OPN5: variants seen among roughly 807,000 people sequenced by gnomAD.
OPN5 encodes opsin-5.
Under a neutral mutation model 41.7 loss-of-function variants are expected in OPN5, and 18 were observed. The ratio of observed to expected loss-of-function variants is 0.43; its 90% CI spans 0.30 to 0.64. The LOEUF is 0.64. Among genes scored for constraint, OPN5 ranks in the 30% least tolerant of loss-of-function variants. OPN5 has a pLI of 0.13. For missense variants in OPN5, 318 were observed against 434.5 expected, an observed-to-expected ratio of 0.73 and a Z score of 2.38; for synonymous variants, 178 against 164.3, an observed-to-expected ratio of 1.08 and a Z score of -0.64.
chr6:47,801,874 A>G (rs1341554107), intron 4 of OPN5, among the ~76,000 whole-genome samples: 1 of 151,524 alleles, frequency 6.6e-6, no homozygotes, highest in South Asian at 2.1e-4. Context: ...GTAAGTGCTT[A>G]ATATATATTT....
chr6:47,825,687 T>A (rs1429187015), downstream of OPN5: 2 of 152,190 alleles, frequency 1.3e-5, no homozygotes, highest in Non-Finnish European at 2.9e-5. Context: ...TAGTAGCACA[T>A]CTGGCAGGAA....
At chr6:47,782,798 T>C (rs2113944082) in intron 1 of OPN5, among the ~76,000 whole-genome samples, 1 of 152,272 alleles carries the variant, frequency 6.6e-6, no homozygotes, top group Middle Eastern at 3.4e-3. Context: ...TGTGCATAAT[T>C]GACGAAAGGG....
At chr6:47,796,690 A>G (rs1375057468) in intron 4 of OPN5, among the ~76,000 whole-genome samples, 1 of 152,178 alleles carries the variant, frequency 6.6e-6, no homozygotes. Context: ...GGACCCAGAG[A>G]AACACAGTTT....
chr6:47,819,379 AATATATAT>A (rs544310153), intron 6 of OPN5, among the ~76,000 whole-genome samples: 1 of 97,424 alleles, frequency 1.0e-5, no homozygotes, highest in African/African-American at 3.5e-5. Context: ...TATAAGTAGA[AATATATAT>A]ATATATATAT....
intron 4 of OPN5, among the ~76,000 whole-genome samples, chr6:47,798,936 A>C (rs1256091613): frequency 2.0e-5 from 3 of 152,094 alleles, no homozygotes; most frequent in Non-Finnish European, 4.4e-5. Flanking sequence ...GCCTGGTCTA[A>C]AAGCTGATTA....
chr6:47,826,075 C>A (rs1395388588), downstream of OPN5: 2 of 151,948 alleles, frequency 1.3e-5, no homozygotes, highest in Admixed American at 6.6e-5. Flanking sequence ...TGTTTAATAT[C>A]TTTTAAAAAA....
rs181634691 is a variant in OPN5 at position 47,799,990 on chromosome 6, C to G, written c.756+4427C>G. 3.9e-5 allele frequency among the ~76,000 whole-genome samples: 6 copies of G among 152,254 alleles called. No individual in the cohort carries two copies. In the East Asian group the frequency reaches 9.6e-4, roughly 24 times the overall value. ...AAACCCTTTTTCTCAATTATTTTCT[C>G]TCCTGGGAGTTTCAAATTTCTGTTT... On this transcript the variant is annotated intron_variant, in intron 4 of 6. Transcript: ENST00000371211.
chr6:47,782,635 T>A (rs1449205414), intron 1 of OPN5, among the ~76,000 whole-genome samples: 1 of 152,182 alleles, frequency 6.6e-6, no homozygotes, highest in Non-Finnish European at 1.5e-5. Context: ...AAAACTCAAT[T>A]GTGCTATTGT....
intron 5 of OPN5, 68 bp from the exon 6 acceptor site, chr6:47,811,606 A>G: frequency 1.0e-6 from 1 of 958,362 alleles, no homozygotes; most frequent in Admixed American, 1.7e-5. Flanking sequence ...ATGTATGTAT[A>G]TGTACATATG....
intron 2 of OPN5, among the ~76,000 whole-genome samples, chr6:47,787,911 TC>T (rs1265846323): frequency 1.3e-5 from 2 of 152,242 alleles, no homozygotes; most frequent in Admixed American, 6.5e-5. Flanking sequence ...AAAAGAGTTT[TC>T]CGATATTTGT....
At chr6:47,824,067 A>G (rs1762719882) in exon 7 of OPN5, 2 of 1,244,748 alleles carry the variant, frequency 1.6e-6, no homozygotes, top group African/African-American at 1.5e-5. Flanking sequence ...TTAGCTTACA[A>G]ATGTTATTTT....
At chr6:47,808,774 G>A (rs563872836) in intron 5 of OPN5, among the ~76,000 whole-genome samples, 1 of 152,052 alleles carries the variant, frequency 6.6e-6, no homozygotes, top group Non-Finnish European at 1.5e-5. Context: ...CTCTTGTCTG[G>A]CACATCACTA....
At chr6:47,812,480 T>C (rs965500361) in intron 6 of OPN5, among the ~76,000 whole-genome samples, 1 of 152,166 alleles carries the variant, frequency 6.6e-6, no homozygotes, top group Admixed American at 6.6e-5. Flanking sequence ...TGTTAGCTTG[T>C]TATTTCTTTT....
Position 47,795,114 on chromosome 6 carries a change from A to C in OPN5, c.422-115A>C, listed in dbSNP as rs1228875927. The C allele has an allele frequency of 9.6e-6, 8 of 832,508 alleles. No homozygotes were observed. The East Asian group carries it at 2.1e-4, about 22-fold the overall frequency. 51.6% of individuals were successfully genotyped at this position (832,508 alleles called of 1,614,324 possible). A position where few individuals can be genotyped will look rare whatever the true frequency, so the allele number is the denominator to read the frequency against. On this transcript the variant is annotated intron_variant, in intron 3 of 6. Transcript: ENST00000371211. ...TCCCTCAGGCTTCAGTTATCTGCCC[A>C]GGTCTCCCAGAAATCAATGGAATAA...
At chr6:47,787,055 G>A (rs1318734326) in intron 2 of OPN5, 4 of 986,538 alleles carry the variant, frequency 4.1e-6, no homozygotes, top group Non-Finnish European at 4.8e-6. Context: ...AAGGGTAAAT[G>A]ACAGTTGAAG....
chr6:47,795,341 C>T, exon 4 of OPN5: 1 of 1,614,156 alleles, frequency 6.2e-7, no homozygotes, highest in South Asian at 1.1e-5. Context: ...TACCTGAGCC[C>T]TTCGGAACCT....
intron 4 of OPN5, among the ~76,000 whole-genome samples, chr6:47,800,532 T>G (rs1352110656): frequency 1.3e-5 from 2 of 152,192 alleles, no homozygotes; most frequent in Admixed American, 6.5e-5. Flanking sequence ...GCAGGAGTAA[T>G]TGGGGAAGTT....
rs866755713 is a variant in OPN5 at position 47,824,088 on chromosome 6, C to T, written c.*97C>T. 1.3e-4 allele frequency: 122 copies of T among 938,796 alleles called. 1 individual carries two copies. In the South Asian group the frequency reaches 1.4e-3, roughly 10 times the overall value. 58.2% of individuals were successfully genotyped at this position (938,796 alleles called of 1,614,324 possible). ...TACAAATGTTATTTTTCTGACTTCT[C>T]GCCTCCACTCCACTTACCCTGTCAG... is the stretch of plus-strand genomic sequence containing the variant. On this transcript the variant is annotated 3_prime_UTR_variant, in exon 7 of 7. Transcript: ENST00000371211.
At chr6:47,795,479 C>G in exon 4 of OPN5, 1 of 1,614,008 alleles carries the variant, frequency 6.2e-7, no homozygotes, top group South Asian at 1.1e-5. Context: ...AGATCATTGC[C>G]AAGGTTAAGT....
Sources: allele counts gnomAD v4.1 joint callset (sites outside exome capture counted in the v4.1 genomes callset), GRCh38; gene constraint gnomAD v4.1.1; transcripts MANE v1.5; gene names NCBI Gene and HGNC (gene_info 2026-07-23, HGNC 2026-07-21).